Variants in GPC6 observed in about 807,000 individuals in gnomAD.
GPC6 encodes glypican-6.
Under a neutral mutation model 55.2 loss-of-function variants are expected in GPC6, and 14 were observed. The ratio of observed to expected loss-of-function variants is 0.25; its 90% CI spans 0.17 to 0.40. The LOEUF (loss-of-function observed/expected upper bound fraction) is 0.40. GPC6 is among the 10% of genes least tolerant of loss of function. The probability of loss-of-function intolerance (pLI) is 1.00; values close to 1 mark genes in which losing one functional copy is unlikely to be tolerated. For synonymous variants in GPC6, 278 were observed against 259.6 expected (o/e 1.07, Z -0.68); for missense variants, 641 against 708.5 (o/e 0.90, Z 1.08).
intron 3 of GPC6, among the ~76,000 whole-genome samples, chr13:93,935,456 A>G (rs1878388789): frequency 1.3e-5 from 2 of 152,162 alleles, no homozygotes; most frequent in Non-Finnish European, 2.9e-5. Context: ...TTATGGCTGC[A>G]TGATATTCCA....
At chr13:93,565,947 G>T (rs117730147) in intron 2 of GPC6, among the ~76,000 whole-genome samples, 5 of 122,342 alleles carry the variant, frequency 4.1e-5, no homozygotes, top group African/African-American at 8.8e-5. Flanking sequence ...AAAAAAAAAA[G>T]AAAAAAAAAA....
intron 1 of GPC6, among the ~76,000 whole-genome samples, chr13:93,431,612 A>G (rs1242123388): frequency 1.3e-5 from 2 of 152,100 alleles, no homozygotes; most frequent in Non-Finnish European, 2.9e-5. Context: ...TTACATTCAA[A>G]ACACACACAT....
chr13:93,553,539 C>T (rs189511884), intron 2 of GPC6, among the ~76,000 whole-genome samples: 229 of 150,964 alleles, frequency 1.5e-3, no homozygotes, highest in Middle Eastern at 3.4e-3. Flanking sequence ...AAAAAAAATA[C>T]AAAAAATTAG....
intron 2 of GPC6, among the ~76,000 whole-genome samples, chr13:93,770,153 A>C (rs1460932887): frequency 6.6e-6 from 1 of 151,872 alleles, no homozygotes; most frequent in East Asian, 1.9e-4. Flanking sequence ...AAACCATACA[A>C]CCCCCACTTT....
chr13:93,711,730 A>G (rs1883075579), intron 2 of GPC6, among the ~76,000 whole-genome samples: 2 of 151,784 alleles, frequency 1.3e-5, no homozygotes. Context: ...TTTCTGCCCC[A>G]GGGCATTTCT....
At chr13:93,630,859 A>T (rs1178645720) in intron 2 of GPC6, among the ~76,000 whole-genome samples, 1 of 152,104 alleles carries the variant, frequency 6.6e-6, no homozygotes, top group East Asian at 1.9e-4. Flanking sequence ...CACATGTCAA[A>T]GTCCTAACAA....
intron 1 of GPC6, among the ~76,000 whole-genome samples, chr13:93,362,511 A>G (rs888479810): frequency 1.9e-4 from 29 of 152,258 alleles, no homozygotes; most frequent in Middle Eastern, 6.8e-3. Context: ...AAGGTGCCCA[A>G]ATATATTAAA....
chr13:93,276,589 G>C (rs922449442), intron 1 of GPC6, among the ~76,000 whole-genome samples: 1 of 151,424 alleles, frequency 6.6e-6, no homozygotes, highest in African/African-American at 2.4e-5. Context: ...ATGCAGTCCC[G>C]GCCACATGTG....
intron 4 of GPC6, among the ~76,000 whole-genome samples, chr13:94,115,460 T>G (rs1329391411): frequency 6.6e-6 from 1 of 152,114 alleles, no homozygotes; most frequent in East Asian, 1.9e-4. Context: ...AGGGACTGCT[T>G]TTTCTTTCAT....
chr13:93,783,634 A>G (rs1885729388), intron 2 of GPC6, among the ~76,000 whole-genome samples: 1 of 151,936 alleles, frequency 6.6e-6, no homozygotes, highest in Non-Finnish European at 1.5e-5. Context: ...AGAGTAATAT[A>G]ATAAATTTCC....
rs187201733 is a variant in GPC6, at chr13:94,255,311, A to C, written c.878-31038A>C. The stretch of plus-strand genomic sequence containing the variant: ...ATTTCTCTCCTTAAAAAGAATAAAA[A>C]GACAACTTTTGGTTCATTAAAAATA... On this transcript the variant is annotated intron_variant, in intron 4 of 8. Coordinates refer to ENST00000377047, the MANE Select transcript of GPC6 (RefSeq NM_005708.5). 3.4e-4 allele frequency among the ~76,000 whole-genome samples: 52 copies of C among 152,324 alleles called. No homozygotes were observed. In the East Asian group the frequency reaches 4.1e-3, roughly 12 times the overall value.
At chr13:94,077,170 G>A (rs1884945833) in intron 4 of GPC6, among the ~76,000 whole-genome samples, 1 of 151,658 alleles carries the variant, frequency 6.6e-6, no homozygotes. Flanking sequence ...TCAACATTTT[G>A]CAGTTCTCAG....
At chr13:93,515,680 A>G (rs2590524) in intron 1 of GPC6, among the ~76,000 whole-genome samples, 143,376 of 152,230 alleles carry the variant, frequency 0.94, 68,106 homozygotes, top group East Asian at 1. Context: ...CTGAAAATAT[A>G]TTCATTCTTA....
At chr13:93,453,125 C>A (rs558815606) in intron 1 of GPC6, among the ~76,000 whole-genome samples, 1 of 152,348 alleles carries the variant, frequency 6.6e-6, no homozygotes, top group Admixed American at 6.5e-5. Context: ...TGTGAAAACT[C>A]TTCAGCCTTG....
intron 2 of GPC6, among the ~76,000 whole-genome samples, chr13:93,684,306 C>G (rs537343523): frequency 6.6e-6 from 1 of 152,204 alleles, no homozygotes; most frequent in South Asian, 2.1e-4. Context: ...CTGCCTCAAC[C>G]TCCCGAGTAG....
At chr13:93,783,053 A>G (rs1258327510) in intron 2 of GPC6, among the ~76,000 whole-genome samples, 2 of 152,154 alleles carry the variant, frequency 1.3e-5, no homozygotes, top group Non-Finnish European at 2.9e-5. Context: ...GCTCCCTCTT[A>G]TAAGTGAGAA....
At position 93,672,631 on chromosome 13, in the gene GPC6, C is replaced by G. The variant is rs1481576090; in HGVS notation, c.319+127210C>G. 4.7e-5 allele frequency among the ~76,000 whole-genome samples: 7 copies of G among 148,960 alleles called. No individual in the cohort carries two copies. In the East Asian group the frequency reaches 1.4e-3, roughly 29 times the overall value. On this transcript the variant is annotated intron_variant, in intron 2 of 8. Coordinates refer to ENST00000377047, the MANE Select transcript of GPC6 (RefSeq NM_005708.5). Reference sequence around the variant, plus strand: ...ACTTCTTTCAAATATAGAGCATTCTCAGTGTCTGATATATATATATATATG... The same window carrying G: ...ACTTCTTTCAAATATAGAGCATTCTGAGTGTCTGATATATATATATATATG...
intron 3 of GPC6, among the ~76,000 whole-genome samples, chr13:93,886,367 T>A (rs1875323814): frequency 2.0e-5 from 3 of 152,024 alleles, no homozygotes; most frequent in Admixed American, 2.0e-4. Context: ...TGCCACAATT[T>A]GGTTATTCTT....
At chr13:93,341,132 C>T (rs1416540343) in intron 1 of GPC6, among the ~76,000 whole-genome samples, 3 of 152,128 alleles carry the variant, frequency 2.0e-5, no homozygotes, top group Admixed American at 1.3e-4. Flanking sequence ...ATATATAGCA[C>T]ATTTTCTTTA....
Sources: gnomAD v4.1 joint callset for allele counts (sites outside exome capture counted in the v4.1 genomes callset) on GRCh38, gnomAD v4.1.1 for gene constraint, MANE v1.5 for transcripts, NCBI Gene and HGNC (gene_info 2026-07-23, HGNC 2026-07-21) for gene names.